SHROOM2: variants seen among roughly 807,000 people sequenced by gnomAD.
SHROOM2 encodes protein Shroom2.
A neutral mutation model predicts 75.9 loss-of-function variants in SHROOM2; 33 were observed. That is an observed-to-expected ratio of 0.43 (90% CI 0.33 to 0.58). The LOEUF is 0.58. SHROOM2 is among the 20% of genes least tolerant of loss of function. The pLI is 0.04. For synonymous variants in SHROOM2, 655 were observed against 663.6 expected, an observed-to-expected ratio of 0.99 and a Z score of 0.20; for missense variants, 1,434 against 1,461.2, an observed-to-expected ratio of 0.98 and a Z score of 0.30.
chrX:9,814,141 C>T (rs2083806318), intron 1 of SHROOM2, among the ~76,000 whole-genome samples: 1 of 111,777 alleles, frequency 8.9e-6, no homozygotes, highest in South Asian at 3.7e-4. Flanking sequence ...TCCCAATCTC[C>T]CTAAGCCTTT....
At chrX:9,936,625 G>C (rs1304265808) in intron 6 of SHROOM2, among the ~76,000 whole-genome samples, 4 of 110,984 alleles carry the variant, frequency 3.6e-5, no homozygotes, top group African/African-American at 1.3e-4. Flanking sequence ...GGGGGGCTTT[G>C]GCCTGACTCC....
intron 8 of SHROOM2, among the ~76,000 whole-genome samples, chrX:9,943,356 G>A (rs4830425): frequency 0.38 from 42,454 of 110,662 alleles, 7,685 homozygotes; most frequent in African/African-American, 0.7. Flanking sequence ...CCTGCCTAAT[G>A]CTCATCCGGC....
chrX:9,939,141 G>A, intron 7 of SHROOM2, 54 bp from the exon 8 acceptor site: 1 of 1,065,300 alleles, frequency 9.4e-7, no homozygotes, highest in African/African-American at 1.9e-5. Context: ...TGGGGCAGAG[G>A]GGCTGTTTGC....
At chrX:9,883,612 T>G (rs1162609441) in intron 2 of SHROOM2, among the ~76,000 whole-genome samples, 1 of 107,388 alleles carries the variant, frequency 9.3e-6, no homozygotes, top group African/African-American at 3.4e-5. Context: ...CCTAGGAGCA[T>G]GGACTTCCTT....
intron 5 of SHROOM2, among the ~76,000 whole-genome samples, chrX:9,925,903 C>T (rs781331589): frequency 1.8e-4 from 20 of 111,927 alleles, no homozygotes; most frequent in Non-Finnish European, 3.2e-4. Flanking sequence ...TACCCCTCAC[C>T]GGCTGGCTTG....
intron 5 of SHROOM2, among the ~76,000 whole-genome samples, chrX:9,914,075 G>T (rs866654503): frequency 5.4e-5 from 1 of 18,398 alleles, no homozygotes; most frequent in Non-Finnish European, 1.2e-4. Context: ...CTGCCCCCCC[G>T]CCCCTCCCGC....
chrX:9,853,063 A>G (rs934652252), intron 1 of SHROOM2, among the ~76,000 whole-genome samples: 6 of 111,898 alleles, frequency 5.4e-5, no homozygotes, highest in African/African-American at 2.0e-4. Flanking sequence ...TTAATAGGAA[A>G]GCCTGTTTTT....
At position 9,896,073 on chromosome X, in the gene SHROOM2, A is replaced by G. The variant is rs1240852988; in HGVS notation, c.2165A>G (p.Asp722Gly). 8.3e-7 allele frequency: 1 copy of G among 1,210,621 alleles called. No homozygotes were observed. Among genetic ancestry groups the G allele is most frequent in the East Asian group, 3.0e-5 (1 of 33,828 alleles). ...ESLEHRMGDP[D>G]TVPHFWEAGL... ...CTGGAACACCGGATGGGGGATCCAG[A>G]CACTGTCCCCCACTTCTGGGAGGCA... Residue 722 changes from aspartate (D) to glycine (G), a missense_variant, in exon 4 of 10, where the codon GAC becomes GGC. This residue lies in a region of SHROOM2 where 1,340 missense variants were observed against 1,338.3 expected (regional missense o/e 1.00). Transcript: ENST00000380913.
In SHROOM2 at chrX:9,895,770, G is replaced by C. The variant is rs139350587; in HGVS notation, c.1862G>C (p.Arg621Pro). The C allele has an allele frequency of 4.2e-6, 5 of 1,201,024 alleles. No homozygotes were observed. In the African/African-American group the frequency reaches 8.7e-5, roughly 21 times the overall value. Residue 621 changes from arginine to proline, a missense_variant, in exon 4 of 10, where the codon CGA becomes CCA. Physicochemically the swap from Arg to Pro is moderately radical, Grantham distance 103 (BLOSUM62 -2). Around this residue, in one of 3 missense-constraint regions of SHROOM2, gnomAD observed 1,340 missense variants for 1,338.3 expected, o/e 1.00. Coordinates refer to ENST00000380913, the MANE Select transcript of SHROOM2 (RefSeq NM_001649.4). Reference sequence around the variant, plus strand: ...GACGCCCACGTGGGCAAGCCCACCCGAAGAAGCGACCGCTTTGCCACCACC... The same window carrying C: ...GACGCCCACGTGGGCAAGCCCACCCCAAGAAGCGACCGCTTTGCCACCACC... ...PFDAHVGKPT[R>P]RSDRFATTLR... is the part of the protein sequence containing the mutation.
intron 1 of SHROOM2, among the ~76,000 whole-genome samples, chrX:9,838,900 C>T (rs1307583869): frequency 3.6e-5 from 4 of 111,344 alleles, no homozygotes; most frequent in Admixed American, 9.6e-5. Context: ...AATCCAGAGA[C>T]GGAAAGGAGA....
intron 1 of SHROOM2, among the ~76,000 whole-genome samples, chrX:9,812,464 C>G (rs1000948572): frequency 1.2e-4 from 13 of 112,294 alleles, no homozygotes; most frequent in African/African-American, 4.2e-4. Context: ...CTCTTTCTTG[C>G]TTGTAGGAGA....
intron 1 of SHROOM2, 69 bp downstream of exon 1, chrX:9,786,779 G>C: frequency 2.5e-6 from 2 of 789,438 alleles, no homozygotes; most frequent in Middle Eastern, 1.2e-3. Context: ...CGTCGAGGTA[G>C]GGGCGCGGGA....
At chrX:9,815,604 A>ATATCTATATCTG (rs1315176951) in intron 1 of SHROOM2, among the ~76,000 whole-genome samples, 1 of 108,188 alleles carries the variant, frequency 9.2e-6, no homozygotes, top group African/African-American at 3.4e-5. Flanking sequence ...ATCTATATCT[A>ATATCTATATCTG]TAAAGGGGAG....
intron 1 of SHROOM2, among the ~76,000 whole-genome samples, chrX:9,826,608 C>CA (rs1177229057): frequency 1.8e-5 from 2 of 109,455 alleles, no homozygotes; most frequent in Non-Finnish European, 3.8e-5. Flanking sequence ...CCCATCTCTA[C>CA]AAAAAAATAC....
chrX:9,819,408 A>G lies in SHROOM2; in HGVS notation c.165+32698A>G, dbSNP rs949023340. The G allele has an allele frequency of 3.7e-5, 16 of 431,396 alleles. No homozygotes were observed. In the Admixed American group the frequency reaches 3.9e-4, roughly 11 times the overall value. 35.6% of individuals were successfully genotyped at this position (431,396 alleles called of 1,213,427 possible). A position where few individuals can be genotyped will look rare whatever the true frequency, so the allele number is the denominator to read the frequency against. On this transcript the variant is annotated intron_variant, in intron 1 of 9. Transcript: ENST00000380913. ...ATTTCCTTTGCCCTCAACCTTGGCA[A>G]TCAGACAGGGCATCTTGTAATAGAA...
chrX:9,792,971 A>G (rs763717680), intron 1 of SHROOM2, among the ~76,000 whole-genome samples: 1 of 111,633 alleles, frequency 9.0e-6, no homozygotes, highest in African/African-American at 3.3e-5. Context: ...TGGCCTCCCA[A>G]AGTGCTGGGA....
intron 2 of SHROOM2, among the ~76,000 whole-genome samples, chrX:9,885,646 A>G (rs946968682): frequency 1.8e-5 from 2 of 111,612 alleles, no homozygotes. Flanking sequence ...GTGTGTCTTC[A>G]TTTGCTTATT....
chrX:9,821,641 G>A (rs1462192191), intron 1 of SHROOM2, among the ~76,000 whole-genome samples: 1 of 112,326 alleles, frequency 8.9e-6, no homozygotes, highest in African/African-American at 3.2e-5. Flanking sequence ...CCACATTTGC[G>A]AACTTTTATT....
At chrX:9,816,997 T>C (rs1006968318) in intron 1 of SHROOM2, among the ~76,000 whole-genome samples, 1 of 110,206 alleles carries the variant, frequency 9.1e-6, no homozygotes, top group Non-Finnish European at 1.9e-5. Context: ...TAAGAGACGT[T>C]GTCCTGCTCT....
Sources: gnomAD v4.1 joint callset for allele counts (sites outside exome capture counted in the v4.1 genomes callset) on GRCh38, gnomAD v4.1.1 for gene constraint, gnomAD v4.1.1 regional missense constraint, MANE v1.5 for transcripts, NCBI Gene and HGNC (gene_info 2026-07-23, HGNC 2026-07-21) for gene names.